Variants in HYDIN observed in about 807,000 individuals in gnomAD.
HYDIN encodes HYDIN axonemal central pair apparatus protein.
In HYDIN, 132 loss-of-function variants were observed where a neutral mutation model predicts 403.9. The observed-to-expected ratio is 0.33, with a 90% CI of 0.28 to 0.38. HYDIN has a LOEUF of 0.38. HYDIN is among the 10% of genes least tolerant of loss of function. The pLI is 1.00. For synonymous variants in HYDIN, 1,202 were observed against 1,891.7 expected, an observed-to-expected ratio of 0.64 and a Z score of 9.46; for missense variants, 2,827 against 5,009.5, an observed-to-expected ratio of 0.56 and a Z score of 13.15.
chr16:71,129,952 G>A, intron 8 of HYDIN, 129 bp from the exon 9 acceptor site: 5 of 978,162 alleles, frequency 5.1e-6, no homozygotes, highest in Non-Finnish European at 7.4e-6. Flanking sequence ...TCCTTGCCCT[G>A]AGTCTGTAAC....
chr16:70,845,957 G>A (rs200834417), intron 75 of HYDIN, among the ~76,000 whole-genome samples: 8,265 of 148,582 alleles, frequency 0.056, 289 homozygotes, highest in East Asian at 0.1. Context: ...TCTTGCTAGC[G>A]GTCTATCAGT....
chr16:70,872,087 A>G lies in HYDIN; in HGVS notation c.11041T>C (p.Leu3681=). 1 of 1,565,766 alleles carries G rather than the reference A, an allele frequency of 6.4e-7. No homozygotes were observed. The highest frequency in any genetic ancestry group is 1.2e-5 in the South Asian group (1 of 81,948). ...FTVTNHSQVN[L]IRFEWPVSAT... is the part of the protein sequence containing the mutation. ...GAAACAGGCCATTCAAACCGTATCAAGTTCACTTGGCTGTGATTTGTGACT... is the reference window on the plus strand; with the variant it reads ...GAAACAGGCCATTCAAACCGTATCAGGTTCACTTGGCTGTGATTTGTGACT... Residue 3681 remains leucine (L), a synonymous_variant, in exon 65 of 86, where the codon TTG becomes CTG. Coordinates refer to ENST00000393567, the MANE Select transcript of HYDIN (RefSeq NM_001270974.2).
intron 85 of HYDIN, 31 bp from the exon 86 acceptor site, chr16:70,808,093 G>C (rs1353397722): frequency 1.3e-6 from 2 of 1,570,588 alleles, no homozygotes; most frequent in South Asian, 1.2e-5. Context: ...CTCAGCTCAC[G>C]TGAGATCCTG....
At chr16:70,902,823 T>TA (rs1567799734) in intron 52 of HYDIN, among the ~76,000 whole-genome samples, 567 of 20,490 alleles carry the variant, frequency 0.028, 2 homozygotes, top group Middle Eastern at 0.11. Flanking sequence ...ATATATATAT[T>TA]TTTTTTTTTT....
At chr16:70,917,141 C>T (rs2076865124) in intron 47 of HYDIN, among the ~76,000 whole-genome samples, 1 of 152,146 alleles carries the variant, frequency 6.6e-6, no homozygotes, top group South Asian at 2.1e-4. Context: ...AGGGTGGTCT[C>T]AAACATCTGG....
intron 10 of HYDIN, among the ~76,000 whole-genome samples, chr16:71,102,658 T>C (rs2083493492): frequency 6.6e-6 from 1 of 151,872 alleles, no homozygotes; most frequent in Non-Finnish European, 1.5e-5. Context: ...CAAGACAGAT[T>C]TGTTTCGTGC....
At chr16:71,173,096 A>T (rs1597945789) in intron 5 of HYDIN, among the ~76,000 whole-genome samples, 1 of 152,320 alleles carries the variant, frequency 6.6e-6, no homozygotes, top group East Asian at 1.9e-4. Flanking sequence ...AGCCAGCAAA[A>T]TGAGAAAACA....
Position 70,993,039 on chromosome 16 carries a change from T to C in HYDIN, c.3645-829A>G, listed in dbSNP as rs575511467. On this transcript the variant is annotated intron_variant, in intron 23 of 85. Transcript: ENST00000393567. ...CACTTATATACTCATTCTGGCCCCA[T>C]CTGTACTCAGAGGCTCAGCACAAAT... Among the ~76,000 whole-genome samples the C allele has an allele frequency of 2.6e-5, 4 of 152,252 alleles. No individual in the cohort carries two copies. In the South Asian group the frequency reaches 8.3e-4, roughly 32 times the overall value.
intron 15 of HYDIN, 37 bp downstream of exon 15, chr16:71,067,253 G>A (rs1285029742): frequency 3.7e-6 from 5 of 1,351,474 alleles, no homozygotes; most frequent in Middle Eastern, 2.0e-4. Context: ...GGAGGCTCGG[G>A]GGCGACTCAG....
chr16:70,877,606 G>A (rs560159161), intron 62 of HYDIN, among the ~76,000 whole-genome samples: 2 of 152,302 alleles, frequency 1.3e-5, no homozygotes, highest in South Asian at 4.2e-4. Flanking sequence ...GGAGCACGCA[G>A]CCTAGATCCC....
At chr16:70,985,751 G>A (rs1028769851) in intron 27 of HYDIN, among the ~76,000 whole-genome samples, 12 of 151,336 alleles carry the variant, frequency 7.9e-5, no homozygotes, top group African/African-American at 2.4e-4. Context: ...AAGTAAGCTC[G>A]TAAGGCCCCA....
At chr16:71,176,523 G>A (rs2086677535) in intron 4 of HYDIN, among the ~76,000 whole-genome samples, 1 of 152,016 alleles carries the variant, frequency 6.6e-6, no homozygotes, top group African/African-American at 2.4e-5. Flanking sequence ...TGACTCCCAT[G>A]CTACAGACAC....
At chr16:70,944,551 C>T (rs2077790057) in intron 41 of HYDIN, among the ~76,000 whole-genome samples, 1 of 152,074 alleles carries the variant, frequency 6.6e-6, no homozygotes, top group South Asian at 2.1e-4. Flanking sequence ...CTCGGGGAAT[C>T]TCGGGGGCAC....
intron 18 of HYDIN, among the ~76,000 whole-genome samples, chr16:71,050,763 G>C (rs566317498): frequency 4.6e-5 from 7 of 151,628 alleles, no homozygotes; most frequent in African/African-American, 1.7e-4. Flanking sequence ...CAATACATTT[G>C]CAAACTTTGA....
chr16:70,872,306 C>G, intron 64 of HYDIN, 127 bp from the exon 65 acceptor site: 1 of 537,592 alleles, frequency 1.9e-6, no homozygotes, highest in South Asian at 2.2e-5. Flanking sequence ...TTTGAGAAAC[C>G]TAGAATCTCT....
At chr16:70,825,076 G>C (rs1249742920) in intron 83 of HYDIN, among the ~76,000 whole-genome samples, 101 of 152,108 alleles carry the variant, frequency 6.6e-4, no homozygotes, top group African/African-American at 2.3e-3. Flanking sequence ...CAGTCACTTT[G>C]AGTCCTTGCA....
intron 1 of HYDIN, among the ~76,000 whole-genome samples, chr16:71,221,335 G>A (rs974545981): frequency 1.8e-4 from 28 of 151,828 alleles, no homozygotes; most frequent in Non-Finnish European, 7.4e-5. Context: ...CATATCACCT[G>A]TGAGCTCCAA....
intron 45 of HYDIN, among the ~76,000 whole-genome samples, chr16:70,931,507 T>C (rs1315707854): frequency 6.6e-6 from 1 of 152,026 alleles, no homozygotes; most frequent in Non-Finnish European, 1.5e-5. Context: ...GAATGTGACC[T>C]GGGACTTGTT....
chr16:71,027,530 T>G, intron 20 of HYDIN, 72 bp downstream of exon 20: 1 of 1,567,892 alleles, frequency 6.4e-7, no homozygotes, highest in Non-Finnish European at 8.6e-7. Context: ...TCAAGGGACT[T>G]TCCTAAGAAA....
Sources: gnomAD v4.1 joint callset for allele counts (sites outside exome capture counted in the v4.1 genomes callset) on GRCh38, gnomAD v4.1.1 for gene constraint, MANE v1.5 for transcripts, NCBI Gene and HGNC (gene_info 2026-07-23, HGNC 2026-07-21) for gene names.